Variants in SRI observed in about 807,000 individuals in gnomAD.
The protein encoded by SRI is 22 kDa protein.
A neutral mutation model predicts 33.3 loss-of-function variants in SRI; 30 were observed. The observed-to-expected ratio is 0.90, with a 90% CI of 0.67 to 1.22. SRI has a LOEUF of 1.22. Ranked by LOEUF, SRI falls within the 50% of genes most tolerant of loss-of-function variation. The pLI, the probability that SRI is intolerant of heterozygous loss-of-function variation, is 0.00. For synonymous variants in SRI, 75 were observed against 89.9 expected (o/e 0.83, Z 0.94); for missense variants, 243 against 250.8 (o/e 0.97, Z 0.21).
upstream of SRI, among the ~76,000 whole-genome samples, chr7:88,224,435 T>A (rs568356948): frequency 1.3e-4 from 20 of 152,336 alleles, no homozygotes; most frequent in South Asian, 4.1e-3. Flanking sequence ...AAATGAGCAA[T>A]GACATTTGCC....
chr7:88,210,389 T>C (rs1851546362), intron 4 of SRI: 1 of 488,362 alleles, frequency 2.0e-6, no homozygotes, highest in Non-Finnish European at 3.7e-6. Flanking sequence ...GAACCACTTA[T>C]AAAAAGCGGT....
chr7:88,208,730 G>C, intron 6 of SRI, 165 bp from the exon 7 acceptor site: 1 of 1,032,162 alleles, frequency 9.7e-7, no homozygotes, highest in Non-Finnish European at 1.4e-6. Flanking sequence ...TATATGAATA[G>C]TAAAAGATTT....
chr7:88,220,403 T>C (rs1245520697), upstream of SRI, among the ~76,000 whole-genome samples: 1 of 152,152 alleles, frequency 6.6e-6, no homozygotes. Flanking sequence ...CTGGCACATT[T>C]CTTATTTTAA....
intron 2 of SRI, among the ~76,000 whole-genome samples, chr7:88,218,574 T>C (rs2115800400): frequency 6.6e-6 from 1 of 152,324 alleles, no homozygotes; most frequent in Admixed American, 6.5e-5. Flanking sequence ...CAAGCGTTTA[T>C]ATTTACCAGA....
chr7:88,208,578 A>G lies in SRI; in HGVS notation c.512-13T>C, dbSNP rs777912842. ...CTTCGAAAGCTGTCTGTAAAACAAC[A>G]CAGTAAAATTTATGGTTTTTCTTTA... On this transcript the variant is annotated splice_polypyrimidine_tract_variant and intron_variant, in intron 6 of 7. Coordinates refer to ENST00000265729, the MANE Select transcript of SRI (RefSeq NM_003130.4). 5 of 1,613,582 alleles carry G rather than the reference A, an allele frequency of 3.1e-6. No individual in the cohort carries two copies. In the Admixed American group the frequency reaches 5.0e-5, roughly 16 times the overall value.
chr7:88,210,545 C>T (rs1851550666), intron 4 of SRI: 2 of 385,860 alleles, frequency 5.2e-6, no homozygotes, highest in Non-Finnish European at 9.7e-6. Context: ...GGATAGTCAG[C>T]ACTACCTAAA....
At chr7:88,224,637 G>A (rs1851958559), upstream of SRI, among the ~76,000 whole-genome samples, 1 of 150,042 alleles carries the variant, frequency 6.7e-6, no homozygotes, top group Non-Finnish European at 1.5e-5. Context: ...AGCCTATGAT[G>A]TTCATTTGGG....
chr7:88,210,364 T>C (rs935501441), intron 4 of SRI: 1 of 549,098 alleles, frequency 1.8e-6, no homozygotes, highest in Non-Finnish European at 3.2e-6. Flanking sequence ...TATAAGGAAA[T>C]AGCGTTGCCA....
chr7:88,213,229 T>A (rs190757385), intron 3 of SRI, among the ~76,000 whole-genome samples: 1 of 152,252 alleles, frequency 6.6e-6, no homozygotes, highest in African/African-American at 2.4e-5. Flanking sequence ...TTATTAGTCT[T>A]TACAGTCAGG....
intron 7 of SRI, 132 bp downstream of exon 7, chr7:88,208,375 T>C (rs1367067210): frequency 5.6e-5 from 81 of 1,437,010 alleles, no homozygotes; most frequent in Non-Finnish European, 7.1e-5. Flanking sequence ...ATGATAACTC[T>C]TTCTAACTTT....
chr7:88,218,758 G>T, intron 2 of SRI, 101 bp downstream of exon 2: 2 of 1,081,950 alleles, frequency 1.8e-6, no homozygotes, highest in South Asian at 1.3e-5. Context: ...GAAGCAAAGG[G>T]ACTCAGTACC....
chr7:88,216,953 A>G (rs1361665938), intron 3 of SRI, among the ~76,000 whole-genome samples, 169 bp downstream of exon 3: 2 of 152,124 alleles, frequency 1.3e-5, no homozygotes, highest in Non-Finnish European at 2.9e-5. Context: ...GTGATTTAAA[A>G]ACTGTTTTCA....
intron 3 of SRI, chr7:88,216,652 T>A (rs1851724507): frequency 6.1e-6 from 1 of 163,704 alleles, no homozygotes; most frequent in Non-Finnish European, 1.3e-5. Context: ...CCTGGCAGAT[T>A]CCATTTCAGC....
upstream of SRI, among the ~76,000 whole-genome samples, chr7:88,220,473 G>T (rs1851866181): frequency 1.3e-5 from 2 of 152,174 alleles, no homozygotes; most frequent in South Asian, 4.1e-4. Context: ...CGAGGCAGGG[G>T]CTGGATGCGT....
In SRI at chr7:88,218,840, A is replaced by G. The variant is rs1220031483; in HGVS notation, c.135+19T>C. Reference sequence around the variant, plus strand: ...ATGCAGACAATAACGGCTCTTTAATATTAAAGGGAAAAGCTAACCTGTCCA... The same window carrying G: ...ATGCAGACAATAACGGCTCTTTAATGTTAAAGGGAAAAGCTAACCTGTCCA... On this transcript the variant is annotated intron_variant, in intron 2 of 7. Coordinates refer to ENST00000265729, the MANE Select transcript of SRI (RefSeq NM_003130.4). 6 of 1,612,738 alleles carry G rather than the reference A, an allele frequency of 3.7e-6. No homozygotes were observed. Among genetic ancestry groups the G allele is most frequent in the Middle Eastern group, 1.6e-4 (1 of 6,080 alleles).
chr7:88,212,957 A>G (rs1159927389), intron 3 of SRI, among the ~76,000 whole-genome samples: 5 of 152,198 alleles, frequency 3.3e-5, no homozygotes, highest in African/African-American at 1.2e-4. Flanking sequence ...GCTCACATGA[A>G]GGTATTGAAG....
At chr7:88,209,600 T>G in intron 5 of SRI, 148 bp from the exon 6 acceptor site, 1 of 673,244 alleles carries the variant, frequency 1.5e-6, no homozygotes, top group South Asian at 1.7e-5. Flanking sequence ...GAAACTGCCT[T>G]CAGGTAGCAA....
At chr7:88,220,646 CT>C (rs562455961), upstream of SRI, among the ~76,000 whole-genome samples, 205 of 152,266 alleles carry the variant, frequency 1.3e-3, no homozygotes, top group Non-Finnish European at 2.2e-3. Context: ...TATTTCCTTC[CT>C]AGGGGACAAT....
chr7:88,217,471 T>C (rs1277787850), intron 2 of SRI, among the ~76,000 whole-genome samples: 2 of 152,158 alleles, frequency 1.3e-5, no homozygotes, highest in African/African-American at 4.8e-5. Flanking sequence ...CATTTTAAAA[T>C]ATTTTTTTTT....
Sources: allele counts gnomAD v4.1 joint callset (sites outside exome capture counted in the v4.1 genomes callset), GRCh38; gene constraint gnomAD v4.1.1; transcripts MANE v1.5; gene names NCBI Gene and HGNC (gene_info 2026-07-23, HGNC 2026-07-21).